The following KCNQ5 variants were observed in gnomAD, a reference collection of about 807,000 sequenced individuals.
KCNQ5 encodes the protein potassium voltage-gated channel subfamily KQT member 5.
KCNQ5 carries 30 observed loss-of-function variants against 98.2 expected under a neutral mutation model. The observed-to-expected ratio is 0.31, with a 90% CI of 0.23 to 0.41. KCNQ5 has a LOEUF of 0.41. KCNQ5 is among the 10% of genes least tolerant of loss of function. The pLI, the probability that KCNQ5 is intolerant of heterozygous loss-of-function variation, is 1.00. For synonymous variants in KCNQ5, 458 were observed against 449.4 expected, an observed-to-expected ratio of 1.02 and a Z score of -0.24; for missense variants, 835 against 1,182.5, an observed-to-expected ratio of 0.71 and a Z score of 4.31.
chr6:72,653,096 AT>A (rs1049971317), intron 1 of KCNQ5, among the ~76,000 whole-genome samples: 2 of 150,842 alleles, frequency 1.3e-5, no homozygotes, highest in African/African-American at 2.4e-5. Flanking sequence ...AGTGGCTTTC[AT>A]TTTTTTTTAA....
chr6:72,623,391 A>AGAGTGTGTGTGTGTGTGTGT (rs1554678872), intron 1 of KCNQ5, among the ~76,000 whole-genome samples: 1 of 143,042 alleles, frequency 7.0e-6, no homozygotes, highest in African/African-American at 2.6e-5. Flanking sequence ...GGAGTCAAAG[A>AGAGTGTGTGTGTGTGTGTGT]GTGTGTGTGT....
intron 1 of KCNQ5, among the ~76,000 whole-genome samples, chr6:72,956,289 T>C (rs1400580856): frequency 6.6e-6 from 1 of 152,090 alleles, no homozygotes; most frequent in Admixed American, 6.6e-5. Context: ...GAAGAAAAGA[T>C]CCAAACCAGA....
At chr6:73,077,220 T>C (rs764889518) in intron 3 of KCNQ5, 102 bp from the exon 4 acceptor site, 23 of 1,160,032 alleles carry the variant, frequency 2.0e-5, no homozygotes, top group Non-Finnish European at 2.9e-5. Context: ...TCTGTTTATC[T>C]GTACCTTAAA....
chr6:73,053,982 A>G (rs867586076), intron 3 of KCNQ5, among the ~76,000 whole-genome samples: 38 of 152,132 alleles, frequency 2.5e-4, no homozygotes, highest in Middle Eastern at 3.2e-3. Flanking sequence ...GAGAGATCAA[A>G]ATAAACACAA....
At chr6:72,808,233 T>A (rs1022449677) in intron 1 of KCNQ5, among the ~76,000 whole-genome samples, 1 of 152,160 alleles carries the variant, frequency 6.6e-6, no homozygotes, top group Non-Finnish European at 1.5e-5. Flanking sequence ...TGTTACGATT[T>A]TGAATATTTT....
rs531246586 is a variant in KCNQ5 at position 72,687,835 on chromosome 6, C to CTT, written c.398+65264_398+65265dup. On this transcript the variant is annotated intron_variant, in intron 1 of 13. Transcript: ENST00000370398. ...AAAATGCTAGTCTTTTTATTGATCCCTTTTTTTTTTTTTTTTTGACATGGA... is the reference window on the plus strand; with the variant it reads ...AAAATGCTAGTCTTTTTATTGATCCCTTTTTTTTTTTTTTTTTTTGACATGGA... 1.9e-3 allele frequency among the ~76,000 whole-genome samples: 258 copies of CTT among 135,952 alleles called. 2 individuals are homozygous for CTT. Among genetic ancestry groups the CTT allele is most frequent in the African/African-American group, 5.2e-3 (190 of 36,334 alleles). The allele number at this position is 135,952 out of a possible 152,430, so 89.2% of individuals were successfully genotyped here. A position where few individuals can be genotyped will look rare whatever the true frequency, so the allele number is the denominator to read the frequency against.
At chr6:73,098,488 G>C (rs1273499341) in intron 5 of KCNQ5, among the ~76,000 whole-genome samples, 1 of 152,096 alleles carries the variant, frequency 6.6e-6, no homozygotes, top group African/African-American at 2.4e-5. Flanking sequence ...ATAAAGAAAA[G>C]ATTTTATAAG....
chr6:73,188,679 T>A (rs1027761487), intron 11 of KCNQ5, among the ~76,000 whole-genome samples: 1 of 152,174 alleles, frequency 6.6e-6, no homozygotes, highest in African/African-American at 2.4e-5. Flanking sequence ...TATTAAGCAC[T>A]GACTGTTGAA....
intron 3 of KCNQ5, among the ~76,000 whole-genome samples, chr6:73,052,154 A>G (rs4566856): frequency 0.99 from 150,338 of 152,308 alleles, 74,222 homozygotes; most frequent in Middle Eastern, 1. Flanking sequence ...CTTGAATATC[A>G]CTTCTCTGAA....
chr6:72,711,209 A>T (rs1211142846), intron 1 of KCNQ5, among the ~76,000 whole-genome samples: 1 of 152,024 alleles, frequency 6.6e-6, no homozygotes, highest in Non-Finnish European at 1.5e-5. Context: ...GTACACAGAG[A>T]AAAGACCATG....
intron 3 of KCNQ5, among the ~76,000 whole-genome samples, chr6:73,045,398 A>G (rs535924799): frequency 2.0e-5 from 3 of 152,072 alleles, no homozygotes; most frequent in Non-Finnish European, 2.9e-5. Context: ...TAGAACATAA[A>G]ATTCTTCCTC....
chr6:72,757,969 G>A (rs770940226), intron 1 of KCNQ5, among the ~76,000 whole-genome samples: 5 of 152,020 alleles, frequency 3.3e-5, no homozygotes, highest in African/African-American at 4.8e-5. Flanking sequence ...GACTTCAGTG[G>A]CTGCAGTAGC....
At chr6:72,950,469 A>G (rs186582267) in intron 1 of KCNQ5, among the ~76,000 whole-genome samples, 2 of 152,350 alleles carry the variant, frequency 1.3e-5, no homozygotes, top group African/African-American at 4.8e-5. Context: ...ATTATCGCCA[A>G]CTTGTTGGTA....
At chr6:72,716,157 C>T (rs926375819) in intron 1 of KCNQ5, among the ~76,000 whole-genome samples, 2 of 152,122 alleles carry the variant, frequency 1.3e-5, no homozygotes, top group African/African-American at 4.8e-5. Flanking sequence ...ACTGATTTTT[C>T]ACAGCCCCCC....
chr6:72,871,806 T>G lies in KCNQ5; in HGVS notation c.399-132102T>G, dbSNP rs1302996166. Among the ~76,000 whole-genome samples, 3 of 152,244 alleles carry G rather than the reference T, an allele frequency of 2.0e-5. No homozygotes were observed. The South Asian group carries it at 6.2e-4, about 32-fold the overall frequency. On this transcript the variant is annotated intron_variant, in intron 1 of 13. Coordinates refer to ENST00000370398, the MANE Select transcript of KCNQ5 (RefSeq NM_019842.4). ...CTTCTCCCACCCCTCTGAGTATTAG[T>G]CCAAGGATACATCTCTCCATCTATC...
chr6:73,022,346 C>CCAGACA (rs1377260727), intron 2 of KCNQ5, among the ~76,000 whole-genome samples: 2 of 152,062 alleles, frequency 1.3e-5, no homozygotes, highest in Admixed American at 1.3e-4. Context: ...AGCACTGTGT[C>CCAGACA]CAGTTTAAAT....
At chr6:72,779,855 G>A (rs895110705) in intron 1 of KCNQ5, among the ~76,000 whole-genome samples, 46 of 149,004 alleles carry the variant, frequency 3.1e-4, no homozygotes, top group Middle Eastern at 3.4e-3. Flanking sequence ...GTGTGTGTGT[G>A]TGTGTGTGTG....
intron 1 of KCNQ5, among the ~76,000 whole-genome samples, chr6:72,941,173 C>CT (rs1299155023): frequency 6.6e-6 from 1 of 151,890 alleles, no homozygotes; most frequent in African/African-American, 2.4e-5. Flanking sequence ...TTTCTTTTGC[C>CT]TTCTTTTTAA....
chr6:72,666,769 G>T (rs1226027315), intron 1 of KCNQ5, among the ~76,000 whole-genome samples: 3 of 152,110 alleles, frequency 2.0e-5, no homozygotes, highest in African/African-American at 7.2e-5. Flanking sequence ...AAAACCTTGA[G>T]AGTGCATTAT....
Sources: gnomAD v4.1 joint callset for allele counts (sites outside exome capture counted in the v4.1 genomes callset) on GRCh38, gnomAD v4.1.1 for gene constraint, MANE v1.5 for transcripts, NCBI Gene and HGNC (gene_info 2026-07-23, HGNC 2026-07-21) for gene names.